PDZD2: variants seen among roughly 807,000 people sequenced by gnomAD.
PDZD2 encodes PDZ domain-containing protein 2.
A neutral mutation model predicts 220.7 loss-of-function variants in PDZD2; 90 were observed. That is an observed-to-expected ratio of 0.41 (90% CI 0.34 to 0.49). PDZD2 has a LOEUF of 0.49. Among genes scored for constraint, PDZD2 ranks in the 20% least tolerant of loss-of-function variants. The pLI is 0.28. For missense variants in PDZD2, 3,174 were observed against 3,608.5 expected (o/e 0.88, Z 3.08); for synonymous variants, 1,375 against 1,450.5 (o/e 0.95, Z 1.18).
In PDZD2 at chr5:32,109,416, T is replaced by G. The variant is rs1159963249; in HGVS notation, c.*1281T>G. On this transcript the variant is annotated 3_prime_UTR_variant, in exon 25 of 25. Transcript: ENST00000438447. ...TACTTGGGAAACTCACTCTGGCCACTCCTCCTCTGGTGGCATGAGCTGCTT... is the reference window on the plus strand; with the variant it reads ...TACTTGGGAAACTCACTCTGGCCACGCCTCCTCTGGTGGCATGAGCTGCTT... 1 of 152,204 alleles carries G rather than the reference T, an allele frequency of 6.6e-6. No individual in the cohort carries two copies. Among genetic ancestry groups the G allele is most frequent in the East Asian group, 1.9e-4 (1 of 5,198 alleles). The allele number at this position is 152,204 out of a possible 1,614,324, so 9.4% of individuals were successfully genotyped here. A position where few individuals can be genotyped will look rare whatever the true frequency, so the allele number is the denominator to read the frequency against.
chr5:31,799,876 G>A (rs1057440758), intron 2 of PDZD2, 152 bp downstream of exon 2: 4 of 630,060 alleles, frequency 6.3e-6, no homozygotes, highest in Non-Finnish European at 8.5e-6. Context: ...ATTCAACGCA[G>A]CATCACATCT....
At chr5:31,826,349 A>T (rs1342117180) in intron 2 of PDZD2, among the ~76,000 whole-genome samples, 1 of 152,190 alleles carries the variant, frequency 6.6e-6, no homozygotes, top group East Asian at 1.9e-4. Context: ...TCTGAAAACA[A>T]CCACTGACCT....
intron 2 of PDZD2, among the ~76,000 whole-genome samples, chr5:31,916,206 G>A (rs1299139555): frequency 6.6e-6 from 1 of 152,212 alleles, no homozygotes; most frequent in Non-Finnish European, 1.5e-5. Flanking sequence ...AGTCCATCCT[G>A]GAAGAAGGCA....
intron 2 of PDZD2, among the ~76,000 whole-genome samples, chr5:31,966,098 CAG>C (rs1230807059): frequency 1.3e-5 from 2 of 152,162 alleles, no homozygotes; most frequent in Non-Finnish European, 2.9e-5. Flanking sequence ...GGGAATCAGA[CAG>C]AGGCAGAGTT....
rs79605473 is a variant in PDZD2 at position 31,925,322 on chromosome 5, C to T, written c.477-57833C>T. Among the ~76,000 whole-genome samples the T allele has an allele frequency of 0.042, 6,329 of 152,040 alleles. 879 individuals are homozygous for T. In the East Asian group the frequency reaches 0.51, roughly 12 times the overall value. The stretch of plus-strand genomic sequence containing the variant: ...AGAAATAAAGCCACACATCTATAGC[C>T]GTCTGATCTTCCACAAAGTTAACAA... On this transcript the variant is annotated intron_variant, in intron 2 of 24. Coordinates refer to ENST00000438447, the MANE Select transcript of PDZD2 (RefSeq NM_178140.4).
chr5:31,872,938 G>T (rs1417163846), intron 2 of PDZD2, among the ~76,000 whole-genome samples: 1 of 152,150 alleles, frequency 6.6e-6, no homozygotes, highest in Non-Finnish European at 1.5e-5. Context: ...TAGGGGAGAT[G>T]ATTGATAGTA....
intron 1 of PDZD2, among the ~76,000 whole-genome samples, chr5:31,704,308 G>A (rs140236274): frequency 1.1e-4 from 16 of 152,200 alleles, no homozygotes; most frequent in Middle Eastern, 3.4e-3. Context: ...CCACTGCATC[G>A]GGCCAATACT....
intron 6 of PDZD2, among the ~76,000 whole-genome samples, chr5:32,032,334 T>C (rs534676631): frequency 6.6e-6 from 1 of 152,280 alleles, no homozygotes; most frequent in East Asian, 1.9e-4. Context: ...AAAGTTTCCC[T>C]AGGCCATTCT....
At chr5:31,856,622 C>T (rs1158541100) in intron 2 of PDZD2, among the ~76,000 whole-genome samples, 8 of 152,106 alleles carry the variant, frequency 5.3e-5, no homozygotes, top group Non-Finnish European at 2.9e-5. Context: ...TTCCCAGCGG[C>T]GCACCTGGCA....
At chr5:31,653,644 C>T (rs1010473406) in intron 1 of PDZD2, among the ~76,000 whole-genome samples, 5 of 152,210 alleles carry the variant, frequency 3.3e-5, no homozygotes, top group Non-Finnish European at 7.4e-5. Context: ...TTTCACTTTA[C>T]ACACTGATCA....
At chr5:31,822,814 T>A (rs1755965398) in intron 2 of PDZD2, 4 of 865,326 alleles carry the variant, frequency 4.6e-6, no homozygotes, top group East Asian at 3.5e-5. Context: ...AGAAGACCAA[T>A]TCTCCTGGAT....
At chr5:31,750,219 A>AG (rs1207425019) in intron 1 of PDZD2, among the ~76,000 whole-genome samples, 1 of 151,970 alleles carries the variant, frequency 6.6e-6, no homozygotes, top group African/African-American at 2.4e-5. Flanking sequence ...TCTCCACTTG[A>AG]GAAAGTCCTC....
At chr5:31,871,595 C>T (rs781551208) in intron 2 of PDZD2, among the ~76,000 whole-genome samples, 1 of 151,988 alleles carries the variant, frequency 6.6e-6, no homozygotes, top group African/African-American at 2.4e-5. Flanking sequence ...GGATTACAGG[C>T]GTGTGCCACC....
intron 1 of PDZD2, among the ~76,000 whole-genome samples, chr5:31,691,830 A>G (rs1747146556): frequency 1.3e-5 from 2 of 152,172 alleles, no homozygotes; most frequent in South Asian, 4.1e-4. Flanking sequence ...CAGGGTGCTG[A>G]TTGGTGTGTT....
intron 2 of PDZD2, among the ~76,000 whole-genome samples, chr5:31,819,183 C>G (rs575332465): frequency 6.6e-6 from 1 of 152,346 alleles, no homozygotes; most frequent in African/African-American, 2.4e-5. Context: ...TATTCTGAAT[C>G]TTAACCTTCT....
intron 2 of PDZD2, among the ~76,000 whole-genome samples, chr5:31,955,513 C>G (rs1183098229): frequency 1.3e-5 from 2 of 151,896 alleles, no homozygotes; most frequent in Non-Finnish European, 2.9e-5. Flanking sequence ...GTTGGCCAGG[C>G]TGGTCTTGAA....
rs532644592 is a variant in PDZD2, at chr5:32,071,428, G to A, written c.2568+10G>A. 1.2e-6 allele frequency: 2 copies of A among 1,603,850 alleles called. No individual in the cohort carries two copies. Among genetic ancestry groups the A allele is most frequent in the African/African-American group, 1.3e-5 (1 of 74,786 alleles). On this transcript the variant is annotated intron_variant, in intron 16 of 24. Transcript: ENST00000438447. ...CTCTCTTGCAAAAAAGGTGAGTCAA[G>A]GTGAACTGCTACCTGCCTCCCTCAG...
At chr5:31,789,687 G>C (rs560814181) in intron 1 of PDZD2, among the ~76,000 whole-genome samples, 1 of 152,244 alleles carries the variant, frequency 6.6e-6, no homozygotes, top group Non-Finnish European at 1.5e-5. Flanking sequence ...CCAGCACTTT[G>C]GGAGGCCGAG....
chr5:31,961,287 T>C lies in PDZD2; in HGVS notation c.477-21868T>C, dbSNP rs140723475. On this transcript the variant is annotated intron_variant, in intron 2 of 24. Transcript: ENST00000438447. ...CTCCTTTGCCTGTAATCCCAGCGCT[T>C]TGGGAGGCCGAGGCTGGCAGTTCAC... 1.8e-3 allele frequency among the ~76,000 whole-genome samples: 266 copies of C among 150,886 alleles called. 4 individuals carry two copies. The East Asian group carries it at 0.044, about 25-fold the overall frequency.
Sources: gnomAD v4.1 joint callset for allele counts (sites outside exome capture counted in the v4.1 genomes callset) on GRCh38, gnomAD v4.1.1 for gene constraint, MANE v1.5 for transcripts, NCBI Gene and HGNC (gene_info 2026-07-23, HGNC 2026-07-21) for gene names.